The following GSK3B variants were observed in gnomAD, a reference collection of about 807,000 sequenced individuals.
The protein encoded by GSK3B is glycogen synthase kinase 3 beta, also known as glycogen synthase kinase-3 beta.
In GSK3B, 15 loss-of-function variants were observed where a neutral mutation model predicts 56.4. The observed-to-expected ratio is 0.27, with a 90% CI of 0.18 to 0.41. The LOEUF is 0.41. GSK3B is among the 10% of genes least tolerant of loss of function. GSK3B has a pLI of 1.00. For missense variants in GSK3B, 300 were observed against 513.4 expected, an observed-to-expected ratio of 0.58 and a Z score of 4.02; for synonymous variants, 181 against 188.9, an observed-to-expected ratio of 0.96 and a Z score of 0.34.
intron 1 of GSK3B, among the ~76,000 whole-genome samples, chr3:120,049,476 T>C (rs1337847676): frequency 6.6e-6 from 1 of 152,192 alleles, no homozygotes; most frequent in African/African-American, 2.4e-5. Flanking sequence ...GCATCTGTAT[T>C]AGATGTTGAG....
chr3:119,937,010 T>G (rs559907094), intron 3 of GSK3B, among the ~76,000 whole-genome samples: 15 of 152,076 alleles, frequency 9.9e-5, no homozygotes, highest in African/African-American at 3.4e-4. Context: ...GTTAATAAAT[T>G]TTAAAAGACT....
intron 1 of GSK3B, among the ~76,000 whole-genome samples, chr3:120,060,991 G>C (rs1476000382): frequency 2.6e-5 from 4 of 152,054 alleles, no homozygotes; most frequent in Non-Finnish European, 5.9e-5. Context: ...CTGTTGTCAG[G>C]CTTCAAACTT....
intron 2 of GSK3B, among the ~76,000 whole-genome samples, chr3:119,956,494 T>C (rs1220754683): frequency 2.0e-5 from 3 of 152,216 alleles, no homozygotes; most frequent in African/African-American, 7.2e-5. Flanking sequence ...AAATCCAAAA[T>C]TCAAAATGCT....
chr3:119,926,190 T>C (rs2056887243), intron 3 of GSK3B, among the ~76,000 whole-genome samples: 1 of 152,120 alleles, frequency 6.6e-6, no homozygotes, highest in African/African-American at 2.4e-5. Context: ...ACACTGATTA[T>C]ATATAAATAC....
At chr3:119,910,031 AT>A (rs1229696821) in intron 6 of GSK3B, among the ~76,000 whole-genome samples, 3 of 152,208 alleles carry the variant, frequency 2.0e-5, no homozygotes, top group Non-Finnish European at 1.5e-5. Context: ...TGTTAGCAAT[AT>A]GGCCATACTA....
At chr3:120,074,899 C>A (rs1193585420) in intron 1 of GSK3B, among the ~76,000 whole-genome samples, 74 of 152,228 alleles carry the variant, frequency 4.9e-4, no homozygotes, top group Non-Finnish European at 1.8e-4. Flanking sequence ...TTTGATAAGG[C>A]CAGCATCACC....
At chr3:119,978,355 C>T (rs2057428577) in intron 2 of GSK3B, among the ~76,000 whole-genome samples, 1 of 152,170 alleles carries the variant, frequency 6.6e-6, no homozygotes, top group Admixed American at 6.5e-5. Flanking sequence ...TGATAAGCCC[C>T]CTCGCCCTAA....
chr3:119,938,523 G>GA (rs915225948), intron 3 of GSK3B, among the ~76,000 whole-genome samples: 2 of 151,916 alleles, frequency 1.3e-5, no homozygotes, highest in African/African-American at 4.8e-5. Context: ...TAAAATGATG[G>GA]AAAAAACCCC....
intron 7 of GSK3B, among the ~76,000 whole-genome samples, chr3:119,883,832 C>T (rs1576172769): frequency 6.6e-6 from 1 of 152,028 alleles, no homozygotes; most frequent in Non-Finnish European, 1.5e-5. Context: ...GGAAGGTAAA[C>T]AATTTCAGTA....
intron 2 of GSK3B, among the ~76,000 whole-genome samples, chr3:120,001,703 T>C (rs2057678630): frequency 6.6e-6 from 1 of 152,232 alleles, no homozygotes; most frequent in Non-Finnish European, 1.5e-5. Context: ...GCTTATATGC[T>C]ACAGGCAGTG....
chr3:119,969,957 T>C (rs1248993775), intron 2 of GSK3B, among the ~76,000 whole-genome samples: 9 of 152,224 alleles, frequency 5.9e-5, no homozygotes, highest in Non-Finnish European at 7.4e-5. Context: ...TTTGTCTAGC[T>C]TGTCCATACT....
intron 3 of GSK3B, among the ~76,000 whole-genome samples, chr3:119,941,550 T>C (rs1254879434): frequency 6.6e-6 from 1 of 152,182 alleles, no homozygotes; most frequent in African/African-American, 2.4e-5. Flanking sequence ...TTCTATAAAA[T>C]AGTGCTTCTA....
chr3:119,872,079 G>A (rs1052921279), intron 8 of GSK3B, among the ~76,000 whole-genome samples: 1 of 152,016 alleles, frequency 6.6e-6, no homozygotes, highest in Non-Finnish European at 1.5e-5. Context: ...GAAAGTGGGC[G>A]GGAAGGCACC....
chr3:120,081,812 A>C (rs1375279557), intron 1 of GSK3B, among the ~76,000 whole-genome samples: 1 of 152,226 alleles, frequency 6.6e-6, no homozygotes, highest in Non-Finnish European at 1.5e-5. Flanking sequence ...GAAACAAGAC[A>C]CATTAACAAG....
chr3:119,960,583 T>C (rs1305605805), intron 2 of GSK3B, among the ~76,000 whole-genome samples: 1 of 152,232 alleles, frequency 6.6e-6, no homozygotes, highest in Non-Finnish European at 1.5e-5. Context: ...TAAAGAGTTT[T>C]ACCCATGTGG....
At chr3:119,917,834 T>C (rs77218182) in intron 4 of GSK3B, among the ~76,000 whole-genome samples, 43 of 152,220 alleles carry the variant, frequency 2.8e-4, no homozygotes, top group African/African-American at 9.9e-4. Context: ...TTGTTGTTAT[T>C]TCACTTTGTA....
At chr3:120,089,671 G>A (rs1445023294) in intron 1 of GSK3B, among the ~76,000 whole-genome samples, 1 of 152,108 alleles carries the variant, frequency 6.6e-6, no homozygotes, top group Non-Finnish European at 1.5e-5. Context: ...TTATATTTAA[G>A]TATTAAACCT....
chr3:119,968,182 G>T (rs1194086362), intron 2 of GSK3B, among the ~76,000 whole-genome samples: 1 of 151,888 alleles, frequency 6.6e-6, no homozygotes, highest in Non-Finnish European at 1.5e-5. Context: ...GTTTCATAAA[G>T]ATAGGGGCTC....
chr3:119,975,124 T>C (rs1424310197), intron 2 of GSK3B, among the ~76,000 whole-genome samples: 2 of 152,268 alleles, frequency 1.3e-5, no homozygotes, highest in East Asian at 1.9e-4. Flanking sequence ...GATATATCCA[T>C]AAATAAAATA....
Sources: gnomAD v4.1 joint callset for allele counts (sites outside exome capture counted in the v4.1 genomes callset) on GRCh38, gnomAD v4.1.1 for gene constraint, MANE v1.5 for transcripts, NCBI Gene and HGNC (gene_info 2026-07-23, HGNC 2026-07-21) for gene names.